SCARF1: variants seen among roughly 807,000 people sequenced by gnomAD.
SCARF1 encodes the protein acetyl LDL receptor.
In SCARF1, 49 loss-of-function variants were observed where a neutral mutation model predicts 76.3. That is an observed-to-expected ratio of 0.64 (90% CI 0.51 to 0.81). SCARF1 has a LOEUF of 0.81. SCARF1 is among the 40% of genes least tolerant of loss of function. The probability of loss-of-function intolerance (pLI) is 0.00; values close to 1 mark genes in which losing one functional copy is unlikely to be tolerated. For missense variants in SCARF1, 1,098 were observed against 1,143.9 expected, an observed-to-expected ratio of 0.96 and a Z score of 0.58; for synonymous variants, 495 against 474.6, an observed-to-expected ratio of 1.04 and a Z score of -0.56.
chr17:1,636,871 A>G lies in SCARF1; in HGVS notation c.1487-16T>C, dbSNP rs1047667599. 2.5e-6 allele frequency: 4 copies of G among 1,613,714 alleles called. No homozygotes were observed. The highest frequency in any genetic ancestry group is 1.1e-5 in the South Asian group (1 of 91,090). ...TGATGTGAGACTGTAGAGACTCCAG[A>G]TCAGGCGCCTGCAGGACCTGATGCA... is the stretch of plus-strand genomic sequence containing the variant. On this transcript the variant is annotated splice_polypyrimidine_tract_variant and intron_variant, in intron 9 of 10. Coordinates refer to ENST00000263071, the MANE Select transcript of SCARF1 (RefSeq NM_003693.4).
In SCARF1 at chr17:1,644,085, G is replaced by A. The variant is rs1910327830; in HGVS notation, c.266-118C>T. The A allele has an allele frequency of 1.2e-6, 1 of 807,492 alleles. No homozygotes were observed. Among genetic ancestry groups the A allele is most frequent in the East Asian group, 3.4e-5 (1 of 29,608 alleles). The allele number at this position is 807,492 out of a possible 1,614,324, so 50.0% of individuals were successfully genotyped here. A position where few individuals can be genotyped will look rare whatever the true frequency, so the allele number is the denominator to read the frequency against. ...GCCCATCCTCCAAGAGCCGGGGACA[G>A]ACCCTCAGAACATCCGGCAGCCTGT... is the stretch of plus-strand genomic sequence containing the variant. On this transcript the variant is annotated intron_variant, in intron 3 of 10. Coordinates refer to ENST00000263071, the MANE Select transcript of SCARF1 (RefSeq NM_003693.4). The surrounding 1 kb of genome is among the most constrained non-coding windows in gnomAD (Gnocchi z 4.8).
At chr17:1,636,068 C>T (rs1909533025) in intron 10 of SCARF1, among the ~76,000 whole-genome samples, 1 of 152,188 alleles carries the variant, frequency 6.6e-6, no homozygotes, top group Non-Finnish European at 1.5e-5. Flanking sequence ...ACACCATTCC[C>T]TCCTCTCCCT....
chr17:1,641,338 A>T (rs1206912914), intron 4 of SCARF1, among the ~76,000 whole-genome samples: 2 of 152,224 alleles, frequency 1.3e-5, no homozygotes, highest in African/African-American at 2.4e-5. Flanking sequence ...CTAATGCCTG[A>T]TGATCTGTCA....
rs768300847 is a variant in SCARF1 at position 1,635,589 on chromosome 17, C to T, written c.1662G>A (p.Ser554=). Residue 554 remains serine, a synonymous_variant, in exon 11 of 11, where the codon TCG becomes TCA. Transcript: ENST00000263071. ...CACCTGCAGCCAGGCTGGCCTCTGA[C>T]GACCCTGCCTGGGCCACAGGGACCA... ...EGMVPVAQAG[S]SEASLAAGAF... 2.5e-6 allele frequency: 4 copies of T among 1,604,856 alleles called. No individual in the cohort carries two copies. Among genetic ancestry groups the T allele is most frequent in the Admixed American group, 1.7e-5 (1 of 59,980 alleles).
At position 1,635,247 on chromosome 17, in the gene SCARF1, C is replaced by A. The variant is rs1057057324; in HGVS notation, c.2004G>T (p.Arg668=). The A allele has an allele frequency of 2.5e-6, 4 of 1,611,838 alleles. No individual in the cohort carries two copies. In the African/African-American group the frequency reaches 5.3e-5, roughly 22 times the overall value. ...TGHRRPPLGG[R]TVAEHVEAIE... ...TGGCTTCCACGTGCTCAGCCACTGT[C>A]CGGCCACCAAGTGGGGGCCGCCGGT... Residue 668 remains arginine, a synonymous_variant, in exon 11 of 11, where the codon CGG becomes CGT. Transcript: ENST00000263071.
intron 4 of SCARF1, among the ~76,000 whole-genome samples, chr17:1,641,386 C>T (rs975067476): frequency 3.9e-5 from 6 of 152,136 alleles, no homozygotes; most frequent in South Asian, 4.1e-4. Context: ...CCTCGAGCTG[C>T]GGGAAAGCAA....
chr17:1,638,624 C>T, intron 8 of SCARF1, 182 bp downstream of exon 8: 1 of 699,790 alleles, frequency 1.4e-6, no homozygotes, highest in South Asian at 3.4e-5. Context: ...ACAAGGCCAG[C>T]CCTCCCCACC....
At position 1,635,249 on chromosome 17, in the gene SCARF1, G is replaced by A. The variant is rs553402990; in HGVS notation, c.2002C>T (p.Arg668Trp). The A allele has an allele frequency of 5.6e-6, 9 of 1,611,994 alleles. No homozygotes were observed. The highest frequency in any genetic ancestry group is 1.6e-4 in the Middle Eastern group (1 of 6,062). Residue 668 changes from arginine (R) to tryptophan (W), a missense_variant, in exon 11 of 11, where the codon CGG (arginine) becomes TGG (tryptophan). Arg to Trp is a moderately radical substitution (Grantham distance 101). Coordinates refer to ENST00000263071, the MANE Select transcript of SCARF1 (RefSeq NM_003693.4). ...TGHRRPPLGGRTVAEHVEAIE... is the reference protein window; with the variant it reads ...TGHRRPPLGGWTVAEHVEAIE... ...GCTTCCACGTGCTCAGCCACTGTCC[G>A]GCCACCAAGTGGGGGCCGCCGGTGG...
At position 1,644,523 on chromosome 17, in the gene SCARF1, G is replaced by C. The variant is rs761417015; in HGVS notation, c.265+311C>G. The C allele has an allele frequency of 1.8e-5, 9 of 504,182 alleles. No homozygotes were observed. Among genetic ancestry groups the C allele is most frequent in the Non-Finnish European group, 3.2e-5 (9 of 280,690 alleles). The allele number at this position is 504,182 out of a possible 1,614,324, so 31.2% of individuals were successfully genotyped here. A position where few individuals can be genotyped will look rare whatever the true frequency, so the allele number is the denominator to read the frequency against. ...CCTTCCATCCACTGCCCATGTATAA[G>C]GTATATGTGGGAAAGGCAAGTAATA... On this transcript the variant is annotated intron_variant, in intron 3 of 10. Coordinates refer to ENST00000263071, the MANE Select transcript of SCARF1 (RefSeq NM_003693.4). The surrounding 1 kb of genome is among the most constrained non-coding windows in gnomAD (Gnocchi z 4.8).
intron 8 of SCARF1, 59 bp downstream of exon 8, chr17:1,638,747 C>A (rs1386264564): frequency 6.1e-6 from 9 of 1,474,382 alleles, no homozygotes; most frequent in African/African-American, 1.4e-5. Flanking sequence ...AAACCAGATG[C>A]CCCCCTGCTC....
In SCARF1 at chr17:1,640,468, G is replaced by A. The variant is rs1451585647; in HGVS notation, c.990C>T (p.Asp330=). Residue 330 remains aspartate (D), a synonymous_variant, in exon 5 of 11, where the codon GAC becomes GAT. Coordinates refer to ENST00000263071, the MANE Select transcript of SCARF1 (RefSeq NM_003693.4). This position sits in a 1 kb window ranked among gnomAD's most constrained non-coding sequence, Gnocchi z 4.7. ...EPDTGHCQRC[D]PGWLGPRCED... Reference sequence around the variant, plus strand: ...CTCACCTGGGCCCCAGCCAGCCAGGGTCACAGCGCTGACAGTGGCCAGTAT... The same window carrying A: ...CTCACCTGGGCCCCAGCCAGCCAGGATCACAGCGCTGACAGTGGCCAGTAT... 11 of 1,562,444 alleles carry A rather than the reference G, an allele frequency of 7.0e-6. No individual in the cohort carries two copies. The highest frequency in any genetic ancestry group is 1.9e-5 in the Admixed American group (1 of 53,192).
In SCARF1 at chr17:1,645,133, A is replaced by G; in HGVS notation, c.163+45T>C. The G allele has an allele frequency of 6.2e-7, 1 of 1,610,422 alleles. No homozygotes were observed. The highest frequency in any genetic ancestry group is 8.5e-7 in the Non-Finnish European group (1 of 1,177,234). On this transcript the variant is annotated intron_variant, in intron 2 of 10. Coordinates refer to ENST00000263071, the MANE Select transcript of SCARF1 (RefSeq NM_003693.4). The surrounding 1 kb of genome is among the most constrained non-coding windows in gnomAD (Gnocchi z 6.3). Reference sequence around the variant, plus strand: ...AGGAAGGAAGGGTTGTCACTGGGCTACGGCCTCCCTTCTCCTTGGCTGAGG... The same window carrying G: ...AGGAAGGAAGGGTTGTCACTGGGCTGCGGCCTCCCTTCTCCTTGGCTGAGG...
chr17:1,643,453 C>G lies in SCARF1; in HGVS notation c.780G>C (p.Gln260His). The change falls in exon 4 of 11, where the codon CAG becomes CAC. Residue 260 changes from glutamine to histidine, a missense_variant. Transcript: ENST00000263071. ...LPCPAGSHGV[Q>H]CAHSCGRCKH... ...CCCCGCCCGCTCACCTGTGTGCGCA[C>G]TGCACCCCGTGGCTGCCTGCCGGGC... The G allele has an allele frequency of 2.3e-6, 3 of 1,286,668 alleles. No homozygotes were observed. Among genetic ancestry groups the G allele is most frequent in the Non-Finnish European group, 2.9e-6 (3 of 1,021,374 alleles). The allele number at this position is 1,286,668 out of a possible 1,614,324, so 79.7% of individuals were successfully genotyped here. A position where few individuals can be genotyped will look rare whatever the true frequency, so the allele number is the denominator to read the frequency against.
intron 7 of SCARF1, 66 bp downstream of exon 7, chr17:1,639,573 C>A: frequency 8.7e-7 from 1 of 1,144,428 alleles, no homozygotes; most frequent in Non-Finnish European, 1.3e-6. Context: ...GGAACTTGCC[C>A]TGGAGCCCAT....
chr17:1,639,129 G>A (rs1011325824), intron 7 of SCARF1, among the ~76,000 whole-genome samples: 2 of 152,202 alleles, frequency 1.3e-5, no homozygotes, highest in African/African-American at 2.4e-5. Flanking sequence ...CCCATTTCAC[G>A]GCTCTAGCCT....
Position 1,634,649 on chromosome 17 carries a change from C to T in SCARF1, c.*109G>A. On this transcript the variant is annotated 3_prime_UTR_variant, in exon 11 of 11. Transcript: ENST00000263071. ...CTGGCCTGGAAGCCTTGCCTTTTCC[C>T]TGTGGAGGCGCAGAGGCTCTGGTTT... 3 of 1,438,114 alleles carry T rather than the reference C, an allele frequency of 2.1e-6. No homozygotes were observed. The highest frequency in any genetic ancestry group is 2.8e-6 in the Non-Finnish European group (3 of 1,079,110). 89.1% of individuals were successfully genotyped at this position (1,438,114 alleles called of 1,614,324 possible). A position where few individuals can be genotyped will look rare whatever the true frequency, so the allele number is the denominator to read the frequency against.
At chr17:1,638,602 C>T (rs1909770107) in intron 8 of SCARF1, 1 of 505,324 alleles carries the variant, frequency 2.0e-6, no homozygotes, top group African/African-American at 2.0e-5. Flanking sequence ...TCACCTCTGA[C>T]CTACGTGGGC....
rs746629537 is a variant in SCARF1, at chr17:1,644,789, G to C, written c.265+45C>G. 6.4e-7 allele frequency: 1 copy of C among 1,567,794 alleles called. No individual in the cohort carries two copies. Among genetic ancestry groups the C allele is most frequent in the East Asian group, 2.3e-5 (1 of 43,774 alleles). ...CGCCTGCTCCCACACCACTGCCCCC[G>C]TACCCAGCTCTGCCCAGCAACTTCA... On this transcript the variant is annotated intron_variant, in intron 3 of 10. Coordinates refer to ENST00000263071, the MANE Select transcript of SCARF1 (RefSeq NM_003693.4). This position sits in a 1 kb window ranked among gnomAD's most constrained non-coding sequence, Gnocchi z 4.8.
In SCARF1 at chr17:1,645,008, C is replaced by A; in HGVS notation, c.164-73G>T. Reference sequence around the variant, plus strand: ...GACACCCCTGCCCTCTCACTGGCTCCAGGGGCCATGCCTCCTCAAGAGGTG... The same window carrying A: ...GACACCCCTGCCCTCTCACTGGCTCAAGGGGCCATGCCTCCTCAAGAGGTG... On this transcript the variant is annotated intron_variant, in intron 2 of 10. Coordinates refer to ENST00000263071, the MANE Select transcript of SCARF1 (RefSeq NM_003693.4). The surrounding 1 kb of genome is among the most constrained non-coding windows in gnomAD (Gnocchi z 6.3). 6.4e-7 allele frequency: 1 copy of A among 1,558,034 alleles called. No homozygotes were observed. The highest frequency in any genetic ancestry group is 2.3e-5 in the East Asian group (1 of 43,644).
Sources: gnomAD v4.1 joint callset for allele counts (sites outside exome capture counted in the v4.1 genomes callset) on GRCh38, gnomAD v4.1.1 for gene constraint, Gnocchi (gnomAD v3.1) non-coding constraint, MANE v1.5 for transcripts, NCBI Gene and HGNC (gene_info 2026-07-23, HGNC 2026-07-21) for gene names.